The following GRIP1 variants were observed in gnomAD, a reference collection of about 807,000 sequenced individuals.
GRIP1 encodes the protein glutamate receptor interacting protein 1.
A neutral mutation model predicts 129.9 loss-of-function variants in GRIP1; 45 were observed. That is an observed-to-expected ratio of 0.35 (90% CI 0.27 to 0.44). The LOEUF (loss-of-function observed/expected upper bound fraction) is 0.44, where lower values mean the gene tolerates loss of function less well. GRIP1 is among the 20% of genes least tolerant of loss of function. The probability of loss-of-function intolerance (pLI) is 1.00; values close to 1 mark genes in which losing one functional copy is unlikely to be tolerated. For synonymous variants in GRIP1, 530 were observed against 520.8 expected (o/e 1.02, Z -0.24); for missense variants, 1,196 against 1,396.8 (o/e 0.86, Z 2.29).
chr12:66,456,365 AAAAATAAGAAAAAC>A, intron 9 of GRIP1, 23 bp from the exon 10 acceptor site: 4 of 1,255,720 alleles, frequency 3.2e-6, no homozygotes, highest in Non-Finnish European at 4.2e-6. Flanking sequence ...AGTGATGATG[AAAAATAAGAAAAAC>A]AAACGAACAA....
At chr12:66,608,651 GACA>G (rs1380970462) in intron 1 of GRIP1, among the ~76,000 whole-genome samples, 1 of 152,078 alleles carries the variant, frequency 6.6e-6, no homozygotes, top group African/African-American at 2.4e-5. Context: ...TTTTTGTATG[GACA>G]ACATCAACAC....
At chr12:66,401,207 T>G (rs959354718) in intron 16 of GRIP1, among the ~76,000 whole-genome samples, 1 of 152,154 alleles carries the variant, frequency 6.6e-6, no homozygotes, top group African/African-American at 2.4e-5. Context: ...AATATCCAAA[T>G]ACAGTAATGA....
At chr12:66,502,657 C>T (rs1039562547) in intron 7 of GRIP1, among the ~76,000 whole-genome samples, 1 of 152,126 alleles carries the variant, frequency 6.6e-6, no homozygotes, top group East Asian at 1.9e-4. Context: ...CCTTCTCTCA[C>T]TCTTGCTTAT....
intron 1 of GRIP1, among the ~76,000 whole-genome samples, chr12:67,015,147 TACAC>T (rs1311524267): frequency 6.6e-6 from 1 of 152,164 alleles, no homozygotes; most frequent in Non-Finnish European, 1.5e-5. Flanking sequence ...GACGTGCACA[TACAC>T]ATCAGAAATT....
At chr12:66,445,551 G>C in intron 11 of GRIP1, 43 bp from the exon 12 acceptor site, 7 of 1,444,130 alleles carry the variant, frequency 4.8e-6, no homozygotes, top group Non-Finnish European at 6.7e-6. Flanking sequence ...GTTGGAGCAA[G>C]CACCAGGAAT....
At chr12:66,494,405 C>T (rs1003235217) in intron 7 of GRIP1, among the ~76,000 whole-genome samples, 1 of 152,140 alleles carries the variant, frequency 6.6e-6, no homozygotes, top group Non-Finnish European at 1.5e-5. Context: ...AAAACTTTTA[C>T]CTATACTTAA....
intron 1 of GRIP1, among the ~76,000 whole-genome samples, chr12:66,948,479 T>C (rs2041705505): frequency 1.3e-5 from 2 of 152,140 alleles, no homozygotes; most frequent in South Asian, 2.1e-4. Flanking sequence ...ATACTCAAGA[T>C]GAATGAGTGA....
intron 1 of GRIP1, among the ~76,000 whole-genome samples, chr12:66,881,556 T>C (rs1252276): frequency 0.7 from 105,706 of 151,948 alleles, 40,161 homozygotes; most frequent in Non-Finnish European, 0.85. Flanking sequence ...GCTTCATCCA[T>C]CACATGCACC....
chr12:66,993,794 A>C (rs1323830036), intron 1 of GRIP1, among the ~76,000 whole-genome samples: 1 of 151,942 alleles, frequency 6.6e-6, no homozygotes, highest in East Asian at 1.9e-4. Context: ...GTCTCAAAAA[A>C]AAAAAAAAAA....
At chr12:67,058,325 T>A (rs939832151) in intron 1 of GRIP1, among the ~76,000 whole-genome samples, 1 of 152,186 alleles carries the variant, frequency 6.6e-6, no homozygotes, top group Non-Finnish European at 1.5e-5. Flanking sequence ...AAATTGTGTA[T>A]CAGATTTTCA....
intron 2 of GRIP1, among the ~76,000 whole-genome samples, chr12:66,558,522 G>T (rs1018113403): frequency 2.0e-4 from 30 of 151,966 alleles, no homozygotes; most frequent in Non-Finnish European, 3.7e-4. Flanking sequence ...AATCATATGA[G>T]GACCATTAGA....
At chr12:66,555,537 A>G (rs1244888895) in intron 2 of GRIP1, among the ~76,000 whole-genome samples, 1 of 152,168 alleles carries the variant, frequency 6.6e-6, no homozygotes, top group Non-Finnish European at 1.5e-5. Flanking sequence ...CATCAAGACC[A>G]TCTAAAAACA....
chr12:66,891,271 T>C (rs2040653313), intron 1 of GRIP1, among the ~76,000 whole-genome samples: 1 of 152,234 alleles, frequency 6.6e-6, no homozygotes, highest in African/African-American at 2.4e-5. Flanking sequence ...ATAGCCTTAC[T>C]ATGAAATATT....
At chr12:66,735,048 T>C (rs1418532634) in intron 1 of GRIP1, among the ~76,000 whole-genome samples, 10 of 152,148 alleles carry the variant, frequency 6.6e-5, no homozygotes, top group Non-Finnish European at 1.3e-4. Flanking sequence ...GGTGGGTACT[T>C]CTATGATGTC....
chr12:66,376,704 C>A (rs905582905), intron 22 of GRIP1, among the ~76,000 whole-genome samples: 1 of 152,174 alleles, frequency 6.6e-6, no homozygotes, highest in Non-Finnish European at 1.5e-5. Context: ...CTCTTATGTT[C>A]CTCTTAACGA....
chr12:66,490,579 C>T (rs889793797), intron 7 of GRIP1, among the ~76,000 whole-genome samples: 11 of 151,962 alleles, frequency 7.2e-5, no homozygotes, highest in African/African-American at 2.6e-4. Context: ...GCAAAGATTT[C>T]ATGATGAAAA....
chr12:66,865,518 A>G (rs2040189034), intron 1 of GRIP1, among the ~76,000 whole-genome samples: 1 of 151,888 alleles, frequency 6.6e-6, no homozygotes, highest in Non-Finnish European at 1.5e-5. Flanking sequence ...TCTAGCTGCA[A>G]AGGGACCTCC....
intron 1 of GRIP1, among the ~76,000 whole-genome samples, chr12:66,996,489 T>A (rs761039911): frequency 5.3e-5 from 8 of 151,716 alleles, no homozygotes; most frequent in Non-Finnish European, 1.0e-4. Context: ...GGCCTTGGAG[T>A]CTAAAGAGCA....
At chr12:66,595,446 A>G (rs1181995150) in intron 2 of GRIP1, among the ~76,000 whole-genome samples, 1 of 152,222 alleles carries the variant, frequency 6.6e-6, no homozygotes, top group Non-Finnish European at 1.5e-5. Flanking sequence ...TAGAGTTGTA[A>G]GGACACTGGG....
Sources: allele counts gnomAD v4.1 joint callset (sites outside exome capture counted in the v4.1 genomes callset), GRCh38; gene constraint gnomAD v4.1.1; transcripts MANE v1.5; gene names NCBI Gene and HGNC (gene_info 2026-07-23, HGNC 2026-07-21).